ZHX3: variants seen among roughly 807,000 people sequenced by gnomAD.
ZHX3 encodes the protein zinc fingers and homeoboxes protein 3.
Under a neutral mutation model 64.5 loss-of-function variants are expected in ZHX3, and 20 were observed. That is an observed-to-expected ratio of 0.31 (90% CI 0.22 to 0.45). The LOEUF (loss-of-function observed/expected upper bound fraction) is 0.45, where lower values mean the gene tolerates loss of function less well. ZHX3 is among the 20% of genes least tolerant of loss of function. The pLI is 1.00. For synonymous variants in ZHX3, 423 were observed against 461.6 expected, an observed-to-expected ratio of 0.92 and a Z score of 1.07; for missense variants, 1,041 against 1,195.8, an observed-to-expected ratio of 0.87 and a Z score of 1.91.
chr20:41,274,380 T>C (rs1372424155), intron 1 of ZHX3, among the ~76,000 whole-genome samples: 1 of 152,216 alleles, frequency 6.6e-6, no homozygotes, highest in South Asian at 2.1e-4. Context: ...AAATTGATTA[T>C]GTCACATTAG....
rs1002619627 is a variant in ZHX3 at position 41,232,499 on chromosome 20, C to A, written c.-150-27433G>T. ...AACTGGCTAGTCCTCAAATGAATCA[C>A]GTAGCATACAACCACAGGAGTGGAA... On this transcript the variant is annotated intron_variant, in intron 2 of 3. Transcript: ENST00000683867. This position sits in a 1 kb window ranked among gnomAD's most constrained non-coding sequence, Gnocchi z 5.0. Among the ~76,000 whole-genome samples, 1 of 152,136 alleles carries A rather than the reference C, an allele frequency of 6.6e-6. No homozygotes were observed. The highest frequency in any genetic ancestry group is 2.4e-5 in the African/African-American group (1 of 41,420).
chr20:41,310,286 A>T lies in ZHX3; in HGVS notation c.-245+7223T>A, dbSNP rs149788632. ...TGCATACTGCCTGGAGATCATGGAC[A>T]TTGTCTCAGGTTCATTACCCACTCT... On this transcript the variant is annotated intron_variant, in intron 1 of 3. Coordinates refer to ENST00000683867, the MANE Select transcript of ZHX3 (RefSeq NM_001384317.1). Among the ~76,000 whole-genome samples, 48 of 152,268 alleles carry T rather than the reference A, an allele frequency of 3.2e-4. No homozygotes were observed. In the East Asian group the frequency reaches 8.5e-3, roughly 27 times the overall value.
rs549947220 is a variant in ZHX3 at position 41,236,626 on chromosome 20, T to C, written c.-150-31560A>G. ...ACCTTATACAAAAATTAATTCAAGA[T>C]GGATTAAAGACTTAAATGTTAGACG... is the stretch of plus-strand genomic sequence containing the variant. On this transcript the variant is annotated intron_variant, in intron 2 of 3. Transcript: ENST00000683867. Among the ~76,000 whole-genome samples the C allele has an allele frequency of 5.3e-5, 8 of 152,306 alleles. No individual in the cohort carries two copies. In the East Asian group the frequency reaches 1.3e-3, roughly 26 times the overall value.
In ZHX3 at chr20:41,181,054, C is replaced by T. The variant is rs553446975; in HGVS notation, c.*4137G>A. The T allele has an allele frequency of 6.6e-6, 1 of 152,364 alleles. No homozygotes were observed. The highest frequency in any genetic ancestry group is 1.9e-4 in the East Asian group (1 of 5,170). 9.4% of individuals were successfully genotyped at this position (152,364 alleles called of 1,614,324 possible). On this transcript the variant is annotated 3_prime_UTR_variant, in exon 4 of 4. Transcript: ENST00000683867. Reference sequence around the variant, plus strand: ...CTCCCCAAACTACATGGGAGTAGCCCCCCGTGGTCTGGGCAGGCTGGCTGA... The same window carrying T: ...CTCCCCAAACTACATGGGAGTAGCCTCCCGTGGTCTGGGCAGGCTGGCTGA...
chr20:41,272,637 C>T (rs1389699747), intron 1 of ZHX3, among the ~76,000 whole-genome samples: 1 of 152,126 alleles, frequency 6.6e-6, no homozygotes, highest in Non-Finnish European at 1.5e-5. Flanking sequence ...AATATGTGAC[C>T]TTTTCGGTTG....
rs756233846 is a variant in ZHX3, at chr20:41,202,039, C to T, written c.2860+18G>A. ...CCTTACCCACACAGGATAGCCATGG[C>T]CCCTGTGGACTCCTTACCGAGCTGA... On this transcript the variant is annotated intron_variant, in intron 3 of 3. Transcript: ENST00000683867. The surrounding 1 kb of genome is among the most constrained non-coding windows in gnomAD (Gnocchi z 7.0). The T allele has an allele frequency of 5.1e-6, 8 of 1,570,108 alleles. No homozygotes were observed. The Middle Eastern group carries it at 8.6e-4, about 170-fold the overall frequency.
At chr20:41,291,056 G>A (rs2044213265) in intron 1 of ZHX3, among the ~76,000 whole-genome samples, 1 of 152,148 alleles carries the variant, frequency 6.6e-6, no homozygotes, top group Non-Finnish European at 1.5e-5. Flanking sequence ...TAAATATGTT[G>A]CTCAATTACA....
Position 41,217,969 on chromosome 20 carries a change from C to A in ZHX3, c.-150-12903G>T, listed in dbSNP as rs535686572. 6.7e-4 allele frequency among the ~76,000 whole-genome samples: 102 copies of A among 152,280 alleles called. 2 individuals carry two copies. The South Asian group carries it at 0.021, about 32-fold the overall frequency. On this transcript the variant is annotated intron_variant, in intron 2 of 3. Coordinates refer to ENST00000683867, the MANE Select transcript of ZHX3 (RefSeq NM_001384317.1). ...TACAGAGGGTTCGAAGATTTTACAA[C>A]CTGAACTATTCTAGTGTTTTGTTTT...
chr20:41,306,704 T>C (rs1263190563), intron 1 of ZHX3, among the ~76,000 whole-genome samples: 1 of 152,244 alleles, frequency 6.6e-6, no homozygotes, highest in Non-Finnish European at 1.5e-5. Flanking sequence ...ATCTTGGCTT[T>C]TTAAATGGTA....
intron 2 of ZHX3, among the ~76,000 whole-genome samples, chr20:41,252,619 G>A (rs2042046064): frequency 6.6e-6 from 1 of 152,096 alleles, no homozygotes; most frequent in Non-Finnish European, 1.5e-5. Flanking sequence ...TCTTGTGACA[G>A]CCTTCCTACC....
rs745532654 is a variant in ZHX3, at chr20:41,204,171, T to C, written c.746A>G (p.Asn249Ser). ...CAGGGGCCCGTTGGCGGCATGGGGG[T>C]TTTTTGCAGAGCTGGCAGATGCCTG... ...VSQASASSAK[N>S]PHAANGPLIG... The change falls in exon 3 of 4, where the codon AAC (asparagine) becomes AGC (serine). Residue 249 changes from asparagine to serine, a missense_variant. Transcript: ENST00000683867. The surrounding 1 kb of genome is among the most constrained non-coding windows in gnomAD (Gnocchi z 6.6). 2 of 1,604,784 alleles carry C rather than the reference T, an allele frequency of 1.2e-6. 1 individual carries two copies. Among genetic ancestry groups the C allele is most frequent in the Non-Finnish European group, 1.7e-6 (2 of 1,175,372 alleles).
intron 3 of ZHX3, among the ~76,000 whole-genome samples, chr20:41,196,272 A>G (rs1010858149): frequency 8.8e-5 from 11 of 125,628 alleles, no homozygotes; most frequent in African/African-American, 3.3e-4. Context: ...GGGTATATAT[A>G]TATATAATAT....
At chr20:41,262,359 C>CA (rs2042605082) in intron 2 of ZHX3, among the ~76,000 whole-genome samples, 1 of 152,192 alleles carries the variant, frequency 6.6e-6, no homozygotes, top group Non-Finnish European at 1.5e-5. Flanking sequence ...AATCTGGCCC[C>CA]AACATCCCTT....
chr20:41,264,982 G>A (rs1199113872), intron 2 of ZHX3, among the ~76,000 whole-genome samples: 2 of 151,700 alleles, frequency 1.3e-5, no homozygotes, highest in Non-Finnish European at 2.9e-5. Flanking sequence ...ATACTTCAAG[G>A]GAAAAAACAA....
chr20:41,219,030 C>T lies in ZHX3; in HGVS notation c.-150-13964G>A, dbSNP rs565618689. The stretch of plus-strand genomic sequence containing the variant: ...CTGCAAGCTCCACCTCCCGGGTTCA[C>T]GCCACTCTCCTGCCTCAGCCTCCCA... On this transcript the variant is annotated intron_variant, in intron 2 of 3. Transcript: ENST00000683867. This position sits in a 1 kb window ranked among gnomAD's most constrained non-coding sequence, Gnocchi z 5.0. 3.3e-5 allele frequency among the ~76,000 whole-genome samples: 5 copies of T among 150,642 alleles called. No individual in the cohort carries two copies. In the South Asian group the frequency reaches 8.4e-4, roughly 25 times the overall value.
intron 1 of ZHX3, among the ~76,000 whole-genome samples, chr20:41,291,820 T>A (rs1017482005): frequency 6.6e-6 from 1 of 151,896 alleles, no homozygotes; most frequent in African/African-American, 2.4e-5. Flanking sequence ...GACTGAGTAT[T>A]AGATGATATT....
intron 2 of ZHX3, among the ~76,000 whole-genome samples, chr20:41,234,142 C>T (rs990445499): frequency 6.6e-6 from 1 of 152,328 alleles, no homozygotes; most frequent in Middle Eastern, 3.4e-3. Flanking sequence ...CATCTAACAG[C>T]CTCACTCGGG....
intron 2 of ZHX3, among the ~76,000 whole-genome samples, chr20:41,225,527 G>A (rs539892158): frequency 5.6e-4 from 85 of 152,056 alleles, no homozygotes; most frequent in Middle Eastern, 6.8e-3. Flanking sequence ...CACTCTTGTC[G>A]CTCAGGTTGG....
At position 41,294,275 on chromosome 20, in the gene ZHX3, G is replaced by A. The variant is rs77552825; in HGVS notation, c.-245+23234C>T. Among the ~76,000 whole-genome samples the A allele has an allele frequency of 9.6e-4, 146 of 152,292 alleles. 2 individuals are homozygous for A. The East Asian group carries it at 0.027, about 28-fold the overall frequency. ...AAAATTTTTAAAACTTAACAATTTA[G>A]AATTAACAGCTAAATTTTGTATGTA... On this transcript the variant is annotated intron_variant, in intron 1 of 3. Coordinates refer to ENST00000683867, the MANE Select transcript of ZHX3 (RefSeq NM_001384317.1).
Sources: gnomAD v4.1 joint callset for allele counts (sites outside exome capture counted in the v4.1 genomes callset) on GRCh38, gnomAD v4.1.1 for gene constraint, Gnocchi (gnomAD v3.1) non-coding constraint, MANE v1.5 for transcripts, NCBI Gene and HGNC (gene_info 2026-07-23, HGNC 2026-07-21) for gene names.